Variants in KLHL29 observed in about 807,000 individuals in gnomAD.
The protein encoded by KLHL29 is kelch like family member 29.
In KLHL29, 21 loss-of-function variants were observed where a neutral mutation model predicts 80.4. The ratio of observed to expected loss-of-function variants is 0.26; its 90% CI spans 0.19 to 0.38. KLHL29 has a LOEUF of 0.38. Among genes scored for constraint, KLHL29 ranks in the 10% least tolerant of loss-of-function variants. KLHL29 has a pLI of 1.00. For missense variants in KLHL29, 867 were observed against 1,223.9 expected (o/e 0.71, Z 4.35); for synonymous variants, 511 against 526.8 (o/e 0.97, Z 0.41).
chr2:23,441,122 A>G (rs1457604596), intron 1 of KLHL29, among the ~76,000 whole-genome samples: 1 of 152,162 alleles, frequency 6.6e-6, no homozygotes, highest in African/African-American at 2.4e-5. Flanking sequence ...AATGTAGCAT[A>G]TATACACCAT....
intron 2 of KLHL29, among the ~76,000 whole-genome samples, chr2:23,482,694 A>G (rs1664830447): frequency 6.6e-6 from 1 of 152,066 alleles, no homozygotes; most frequent in South Asian, 2.1e-4. Flanking sequence ...TCTAATCATA[A>G]ATTTCTCCTC....
chr2:23,670,917 G>GCGCT (rs150131401), intron 5 of KLHL29, among the ~76,000 whole-genome samples: 6 of 18,568 alleles, frequency 3.2e-4, no homozygotes, highest in Non-Finnish European at 5.9e-4. Context: ...ACATGCACGC[G>GCGCT]CTCTCTCTCT....
intron 1 of KLHL29, among the ~76,000 whole-genome samples, chr2:23,471,309 T>A (rs1458934398): frequency 6.6e-6 from 1 of 152,158 alleles, no homozygotes; most frequent in Non-Finnish European, 1.5e-5. Flanking sequence ...AGGCAGTTTC[T>A]CTCCCCTAAA....
Position 23,525,738 on chromosome 2 carries a change from CA to C in KLHL29, c.-45-36413del, listed in dbSNP as rs1249288834. On this transcript the variant is annotated intron_variant, in intron 2 of 13. Transcript: ENST00000486442. ...AGCCCCAGCCCCTGCCCCCCCCCCC[CA>C]CCCGAGGCGAGCCAGCAGAGCCAGG... Among the ~76,000 whole-genome samples, 63 of 27,776 alleles carry C rather than the reference CA, an allele frequency of 2.3e-3. 1 individual carries two copies. The highest frequency in any genetic ancestry group is 0.014 in the African/African-American group (61 of 4,440). The allele number at this position is 27,776 out of a possible 152,430, so 18.2% of individuals were successfully genotyped here.
intron 1 of KLHL29, among the ~76,000 whole-genome samples, chr2:23,399,527 C>T (rs894995592): frequency 1.3e-5 from 2 of 152,152 alleles, no homozygotes; most frequent in Non-Finnish European, 2.9e-5. Context: ...GGGCACTTGC[C>T]GTGTTACCCG....
chr2:23,496,848 A>G (rs1176347414), intron 2 of KLHL29, among the ~76,000 whole-genome samples: 2 of 152,232 alleles, frequency 1.3e-5, no homozygotes, highest in African/African-American at 2.4e-5. Flanking sequence ...AGAGTCTCTC[A>G]CATACCTGGA....
At chr2:23,676,053 A>G (rs1670911285) in intron 5 of KLHL29, among the ~76,000 whole-genome samples, 2 of 152,224 alleles carry the variant, frequency 1.3e-5, no homozygotes, top group South Asian at 4.1e-4. Flanking sequence ...ACAGACAGAC[A>G]GACATTCCTC....
chr2:23,563,950 C>T (rs1302921917), intron 3 of KLHL29, among the ~76,000 whole-genome samples: 1 of 152,272 alleles, frequency 6.6e-6, no homozygotes, highest in Non-Finnish European at 1.5e-5. Flanking sequence ...CCAGCCCGAG[C>T]GCTGGTCTGA....
At chr2:23,418,107 T>G (rs1248447367) in intron 1 of KLHL29, among the ~76,000 whole-genome samples, 1 of 152,046 alleles carries the variant, frequency 6.6e-6, no homozygotes, top group African/African-American at 2.4e-5. Flanking sequence ...GTTGAAAGAG[T>G]GAATGAATCC....
At chr2:23,513,346 C>A (rs916862411) in intron 2 of KLHL29, among the ~76,000 whole-genome samples, 10 of 152,140 alleles carry the variant, frequency 6.6e-5, no homozygotes, top group Non-Finnish European at 1.2e-4. Flanking sequence ...TTTCTGGAGT[C>A]CCTGAATTAC....
At position 23,620,670 on chromosome 2, in the gene KLHL29, G is replaced by A. The variant is rs535919026; in HGVS notation, c.286-18469G>A. ...GCAGGCAGGACATCCAAGTGGAAGCGTCGAGTGGGCTTGTGAGCATCTGGA... is the reference window on the plus strand; with the variant it reads ...GCAGGCAGGACATCCAAGTGGAAGCATCGAGTGGGCTTGTGAGCATCTGGA... On this transcript the variant is annotated intron_variant, in intron 3 of 13. Transcript: ENST00000486442. 1.8e-4 allele frequency among the ~76,000 whole-genome samples: 28 copies of A among 152,280 alleles called. 1 individual carries two copies. In the South Asian group the frequency reaches 4.6e-3, roughly 25 times the overall value.
At chr2:23,395,723 T>G (rs1439237810) in intron 1 of KLHL29, among the ~76,000 whole-genome samples, 1 of 149,372 alleles carries the variant, frequency 6.7e-6, no homozygotes, top group African/African-American at 2.5e-5. Flanking sequence ...GTAGCCTGGG[T>G]GACAGAGTGA....
At chr2:23,409,163 C>T (rs1420641377) in intron 1 of KLHL29, among the ~76,000 whole-genome samples, 3 of 152,130 alleles carry the variant, frequency 2.0e-5, no homozygotes, top group African/African-American at 4.8e-5. Context: ...CATTGGTGAT[C>T]CCTGAAGGAC....
chr2:23,581,481 G>A (rs1459764784), intron 3 of KLHL29, among the ~76,000 whole-genome samples: 1 of 152,118 alleles, frequency 6.6e-6, no homozygotes, highest in Admixed American at 6.5e-5. Flanking sequence ...CTCCTGATCC[G>A]CCTTCCACTG....
intron 2 of KLHL29, among the ~76,000 whole-genome samples, chr2:23,476,902 A>C (rs1007882205): frequency 6.6e-6 from 1 of 152,234 alleles, no homozygotes; most frequent in Non-Finnish European, 1.5e-5. Context: ...CAGGCAGGCC[A>C]GGAATGTGCC....
At chr2:23,671,103 C>A (rs1670738411) in intron 5 of KLHL29, among the ~76,000 whole-genome samples, 1 of 150,776 alleles carries the variant, frequency 6.6e-6, no homozygotes, top group Admixed American at 6.6e-5. Flanking sequence ...TAGCTCCTGG[C>A]ATCTGGGGTT....
intron 5 of KLHL29, among the ~76,000 whole-genome samples, chr2:23,654,385 G>A (rs569891030): frequency 6.6e-6 from 1 of 152,310 alleles, no homozygotes; most frequent in East Asian, 1.9e-4. Flanking sequence ...TTGCCATGGT[G>A]ATTCTGAAGG....
chr2:23,424,564 A>G (rs1662953243), intron 1 of KLHL29, among the ~76,000 whole-genome samples: 1 of 152,200 alleles, frequency 6.6e-6, no homozygotes, highest in South Asian at 2.1e-4. Context: ...TAATTCTGCA[A>G]ATTTGCCTCA....
chr2:23,642,444 C>T lies in KLHL29; in HGVS notation c.534C>T (p.Val178=), dbSNP rs1669795162. ...QPPTFSPAVN[V]QAPVIGVTPS... The stretch of plus-strand genomic sequence containing the variant: ...CCACCTTCAGCCCGGCTGTGAACGT[C>T]CAGGCCCCGGTCATTGGGGTGACCC... The change falls in exon 5 of 14, where the codon GTC becomes GTT. Residue 178 remains valine, a synonymous_variant. Transcript: ENST00000486442. The T allele has an allele frequency of 1.3e-6, 2 of 1,504,036 alleles. No individual in the cohort carries two copies. Among genetic ancestry groups the T allele is most frequent in the East Asian group, 5.0e-5 (2 of 40,376 alleles). 93.2% of individuals were successfully genotyped at this position (1,504,036 alleles called of 1,614,324 possible).
Sources: gnomAD v4.1 joint callset for allele counts (sites outside exome capture counted in the v4.1 genomes callset) on GRCh38, gnomAD v4.1.1 for gene constraint, MANE v1.5 for transcripts, NCBI Gene and HGNC (gene_info 2026-07-23, HGNC 2026-07-21) for gene names.